Variants in PLD1 observed in about 807,000 individuals in gnomAD.
PLD1 encodes phospholipase D1.
A neutral mutation model predicts 137.1 loss-of-function variants in PLD1; 112 were observed. That is an observed-to-expected ratio of 0.82 (90% confidence interval 0.70 to 0.96). PLD1 has a LOEUF of 0.96. Ranked by LOEUF, PLD1 falls within the 40% of genes least tolerant of loss-of-function variation. The pLI is 0.00. For missense variants in PLD1, 1,321 were observed against 1,342.0 expected (o/e 0.98, Z 0.24); for synonymous variants, 431 against 454.7 (o/e 0.95, Z 0.66).
chr3:171,746,846 A>T (rs1720226537), intron 1 of PLD1, among the ~76,000 whole-genome samples: 2 of 152,200 alleles, frequency 1.3e-5, no homozygotes, highest in South Asian at 4.1e-4. Context: ...GCTGCCCAAG[A>T]CAGCACTGGC....
Position 171,612,266 on chromosome 3 carries a change from T to C in PLD1, c.2882+13A>G, listed in dbSNP as rs1732722254. ...TGGAAATGCATCAGAGAGACACACT[T>C]TGGCGGACTGACCTAAAGCACTGTA... is the stretch of plus-strand genomic sequence containing the variant. On this transcript the variant is annotated intron_variant, in intron 25 of 26. Coordinates refer to ENST00000351298, the MANE Select transcript of PLD1 (RefSeq NM_002662.5). The surrounding 1 kb of genome is among the most constrained non-coding windows in gnomAD (Gnocchi z 4.1). 1.9e-6 allele frequency: 3 copies of C among 1,613,044 alleles called. No individual in the cohort carries two copies. Among genetic ancestry groups the C allele is most frequent in the South Asian group, 1.1e-5 (1 of 90,988 alleles).
At chr3:171,642,457 CAAAAAAAA>C (rs1230947984) in intron 23 of PLD1, among the ~76,000 whole-genome samples, 1 of 33,028 alleles carries the variant, frequency 3.0e-5, no homozygotes, top group African/African-American at 1.2e-4. Context: ...AACCCAGTCT[CAAAAAAAA>C]AAAAAAAAAA....
intron 21 of PLD1, among the ~76,000 whole-genome samples, chr3:171,652,469 G>C (rs1736863120): frequency 3.3e-5 from 5 of 150,134 alleles, no homozygotes; most frequent in Admixed American, 2.7e-4. Context: ...CAAGGCTTCT[G>C]AAACAAGCCC....
At chr3:171,709,853 TA>T (rs1421338923) in intron 9 of PLD1, 144 bp from the exon 10 acceptor site, 1 of 659,894 alleles carries the variant, frequency 1.5e-6, no homozygotes, top group Non-Finnish European at 2.6e-6. Context: ...TTTTTGGTAG[TA>T]TTTCTAAAAA....
chr3:171,722,517 T>C lies in PLD1; in HGVS notation c.758+2179A>G, dbSNP rs150280845. On this transcript the variant is annotated intron_variant, in intron 8 of 26. Transcript: ENST00000351298. ...ATTCCCTGGAAACCCTTTATCTACT[T>C]CCGTCTCTACAGATTTGTCTATTCT... is the stretch of plus-strand genomic sequence containing the variant. Among the ~76,000 whole-genome samples, 38 of 152,318 alleles carry C rather than the reference T, an allele frequency of 2.5e-4. No homozygotes were observed. The East Asian group carries it at 6.9e-3, about 28-fold the overall frequency.
At chr3:171,694,557 C>CA (rs3050444) in intron 12 of PLD1, among the ~76,000 whole-genome samples, 3,873 of 133,922 alleles carry the variant, frequency 0.029, 88 homozygotes, top group African/African-American at 0.066. Context: ...ATAATGGTTA[C>CA]AAAAAAAAAA....
chr3:171,731,168 TAA>T (rs2108253415), intron 6 of PLD1, among the ~76,000 whole-genome samples: 1 of 152,348 alleles, frequency 6.6e-6, no homozygotes, highest in Non-Finnish European at 1.5e-5. Flanking sequence ...TGAATTAACT[TAA>T]AATAGGTTTG....
chr3:171,708,722 T>G (rs766541862), intron 11 of PLD1, 33 bp downstream of exon 11: 1 of 1,150,432 alleles, frequency 8.7e-7, no homozygotes, highest in Admixed American at 1.7e-5. Flanking sequence ...CATAGAGACT[T>G]CCAGAAAAAA....
chr3:171,697,785 G>A (rs575230970), intron 12 of PLD1, among the ~76,000 whole-genome samples: 2 of 152,300 alleles, frequency 1.3e-5, no homozygotes, highest in South Asian at 4.1e-4. Context: ...CATTGGGAAA[G>A]CCCAATGCTT....
At chr3:171,774,193 G>A (rs1393912671) in intron 1 of PLD1, among the ~76,000 whole-genome samples, 1 of 152,218 alleles carries the variant, frequency 6.6e-6, no homozygotes, top group Non-Finnish European at 1.5e-5. Context: ...TTCTTCCTGA[G>A]TGCGTACCAC....
intron 1 of PLD1, among the ~76,000 whole-genome samples, chr3:171,743,764 G>T (rs563547001): frequency 1.3e-5 from 2 of 152,162 alleles, no homozygotes; most frequent in Non-Finnish European, 2.9e-5. Flanking sequence ...CCACTGAGCC[G>T]CAATCATGTG....
At chr3:171,715,088 AT>A (rs776353923) in intron 8 of PLD1, among the ~76,000 whole-genome samples, 7 of 152,194 alleles carry the variant, frequency 4.6e-5, no homozygotes, top group Non-Finnish European at 8.8e-5. Flanking sequence ...CCCAATAACA[AT>A]TTTCAAAGCA....
chr3:171,644,356 C>CTTTT (rs1228570121), intron 22 of PLD1, among the ~76,000 whole-genome samples: 2 of 152,074 alleles, frequency 1.3e-5, no homozygotes, highest in Non-Finnish European at 2.9e-5. Flanking sequence ...CAAGTGTGCC[C>CTTTT]TTTTAAATAA....
rs770709111 is a variant in PLD1 at position 171,734,927 on chromosome 3, TCTCTCGAGGCTC to T, written c.466_477del (p.Glu156_Glu159del). ...TCAGATGAACGGGGCAAACTGGGCA[TCTCTCGAGGCTC>T]CTCTCTGACGTTTTGCCTCCTAAAC... On this transcript the variant is annotated inframe_deletion, in exon 5 of 27. Transcript: ENST00000351298. 18 of 1,613,586 alleles carry T rather than the reference TCTCTCGAGGCTC, an allele frequency of 1.1e-5. No individual in the cohort carries two copies. In the South Asian group the frequency reaches 2.0e-4, roughly 18 times the overall value.
intron 23 of PLD1, among the ~76,000 whole-genome samples, chr3:171,637,555 T>A (rs11712311): frequency 0.52 from 79,013 of 151,934 alleles, 21,838 homozygotes; most frequent in African/African-American, 0.72. Context: ...TATAATGACC[T>A]TGGTATTGGT....
intron 1 of PLD1, among the ~76,000 whole-genome samples, chr3:171,754,327 CA>C (rs1384508392): frequency 6.6e-6 from 1 of 152,324 alleles, no homozygotes; most frequent in East Asian, 1.9e-4. Flanking sequence ...TTCTGGGTTA[CA>C]AAGCATTCTG....
intron 19 of PLD1, among the ~76,000 whole-genome samples, chr3:171,665,209 G>A (rs965476519): frequency 2.0e-5 from 3 of 152,126 alleles, no homozygotes; most frequent in Non-Finnish European, 2.9e-5. Flanking sequence ...GTGGCTTCCT[G>A]GACAGCTGGG....
At chr3:171,808,185 A>G (rs940007953) in intron 1 of PLD1, among the ~76,000 whole-genome samples, 2 of 152,104 alleles carry the variant, frequency 1.3e-5, no homozygotes, top group African/African-American at 2.4e-5. Flanking sequence ...CTGTATGTCC[A>G]TGTAACAAAC....
intron 2 of PLD1, 27 bp downstream of exon 2, chr3:171,737,865 T>C (rs766032444): frequency 6.3e-7 from 1 of 1,591,688 alleles, no homozygotes; most frequent in Non-Finnish European, 8.5e-7. Flanking sequence ...AACTCTTTTC[T>C]TCCCCGCTCA....
Sources: gnomAD v4.1 joint callset for allele counts (sites outside exome capture counted in the v4.1 genomes callset) on GRCh38, gnomAD v4.1.1 for gene constraint, Gnocchi (gnomAD v3.1) non-coding constraint, MANE v1.5 for transcripts, NCBI Gene and HGNC (gene_info 2026-07-23, HGNC 2026-07-21) for gene names.